DPF3: variants seen among roughly 807,000 people sequenced by gnomAD.
DPF3 encodes the protein zinc finger protein DPF3.
A neutral mutation model predicts 56.8 loss-of-function variants in DPF3; 18 were observed. The observed-to-expected ratio is 0.32, with a 90% CI of 0.22 to 0.47. The LOEUF (loss-of-function observed/expected upper bound fraction) is 0.47, where lower values mean the gene tolerates loss of function less well. DPF3 is among the 20% of genes least tolerant of loss of function. The pLI is 1.00. For missense variants in DPF3, 403 were observed against 488.8 expected, an observed-to-expected ratio of 0.82 and a Z score of 1.65; for synonymous variants, 188 against 180.2, an observed-to-expected ratio of 1.04 and a Z score of -0.35.
Position 72,693,072 on chromosome 14 carries a change from T to C in DPF3, c.742+4A>G. 6.2e-7 allele frequency: 1 copy of C among 1,613,972 alleles called. No homozygotes were observed. The highest frequency in any genetic ancestry group is 8.5e-7 in the Non-Finnish European group (1 of 1,179,864). On this transcript the variant is annotated splice_donor_region_variant and intron_variant, in intron 7 of 10. Transcript: ENST00000556509. Reference sequence around the variant, plus strand: ...CTGCCCCAACCTAACAAGTAGGCACTCACGCCTGTGGTTCTCATTTCTGTG... The same window carrying C: ...CTGCCCCAACCTAACAAGTAGGCACCCACGCCTGTGGTTCTCATTTCTGTG...
chr14:72,850,127 A>AG (rs926759845), intron 1 of DPF3, among the ~76,000 whole-genome samples: 1 of 152,054 alleles, frequency 6.6e-6, no homozygotes, highest in African/African-American at 2.4e-5. Context: ...TAAAAAAAAA[A>AG]TTAGCTAGGT....
chr14:72,773,322 C>G (rs985937815), intron 1 of DPF3, among the ~76,000 whole-genome samples: 1 of 151,866 alleles, frequency 6.6e-6, no homozygotes, highest in Non-Finnish European at 1.5e-5. Flanking sequence ...TTAGTAGAGA[C>G]AGAGTTTCAC....
At chr14:72,718,735 C>CA (rs1048909133) in intron 5 of DPF3, among the ~76,000 whole-genome samples, 1 of 138,926 alleles carries the variant, frequency 7.2e-6, no homozygotes, top group Non-Finnish European at 1.5e-5. Context: ...TTCCTGAGAT[C>CA]AAAAAAATTG....
At chr14:72,753,144 T>G (rs745626560) in intron 3 of DPF3, 120 bp downstream of exon 3, 344 of 808,236 alleles carry the variant, frequency 4.3e-4, no homozygotes, top group Non-Finnish European at 4.3e-4. Flanking sequence ...TGTGGGCATG[T>G]TCCCTCTCCC....
chr14:72,663,129 A>G (rs1409889823), intron 8 of DPF3, among the ~76,000 whole-genome samples: 1 of 131,506 alleles, frequency 7.6e-6, no homozygotes, highest in African/African-American at 2.9e-5. Flanking sequence ...TGGATGGTCA[A>G]TTCCCAGGTG....
chr14:72,814,604 C>T (rs937085871), intron 1 of DPF3, among the ~76,000 whole-genome samples: 1 of 152,052 alleles, frequency 6.6e-6, no homozygotes, highest in Non-Finnish European at 1.5e-5. Flanking sequence ...CTCTTGAGAC[C>T]AGGAGTTTGA....
chr14:72,717,735 G>A (rs1358317017), intron 5 of DPF3, among the ~76,000 whole-genome samples: 1 of 152,198 alleles, frequency 6.6e-6, no homozygotes, highest in South Asian at 2.1e-4. Context: ...GATGAAGCAG[G>A]TTCTCACCTG....
chr14:72,632,776 GGGGAAGGGGAT>G (rs1408820555), intron 8 of DPF3, among the ~76,000 whole-genome samples: 6 of 137,252 alleles, frequency 4.4e-5, no homozygotes, highest in Non-Finnish European at 7.9e-5. Flanking sequence ...GGAGAGAAGA[GGGGAAGGGGAT>G]GGGAAGGAGA....
chr14:72,778,120 C>T (rs1363592575), intron 1 of DPF3, among the ~76,000 whole-genome samples: 1 of 152,180 alleles, frequency 6.6e-6, no homozygotes, highest in African/African-American at 2.4e-5. Flanking sequence ...GAATCTGACC[C>T]TGCTAGCACC....
At chr14:72,703,293 G>A (rs1475149913) in intron 6 of DPF3, among the ~76,000 whole-genome samples, 2 of 151,988 alleles carry the variant, frequency 1.3e-5, no homozygotes, top group Admixed American at 1.3e-4. Context: ...GTAGGGGTGG[G>A]GTAAAACACC....
intron 1 of DPF3, among the ~76,000 whole-genome samples, chr14:72,787,537 C>T (rs1392705766): frequency 6.6e-6 from 1 of 152,162 alleles, no homozygotes; most frequent in African/African-American, 2.4e-5. Context: ...TTACCAGGAA[C>T]ATAGAAAGGT....
intron 1 of DPF3, among the ~76,000 whole-genome samples, chr14:72,860,295 A>G (rs1261329350): frequency 1.3e-5 from 2 of 152,048 alleles, no homozygotes; most frequent in Non-Finnish European, 2.9e-5. Context: ...TGATCCTCCC[A>G]CCTCAGCCTC....
intron 2 of DPF3, among the ~76,000 whole-genome samples, chr14:72,768,939 G>A (rs971491363): frequency 1.2e-5 from 1 of 86,458 alleles, no homozygotes; most frequent in Non-Finnish European, 2.9e-5. Flanking sequence ...GTGTCTGTGT[G>A]TGTGTGTGTG....
At chr14:72,631,575 G>A (rs1324899717) in intron 8 of DPF3, among the ~76,000 whole-genome samples, 1 of 151,996 alleles carries the variant, frequency 6.6e-6, no homozygotes, top group African/African-American at 2.4e-5. Flanking sequence ...TGCTCATATA[G>A]GCAAGTTGAC....
chr14:72,859,394 T>A (rs1885294007), intron 1 of DPF3, among the ~76,000 whole-genome samples: 1 of 151,578 alleles, frequency 6.6e-6, no homozygotes, highest in Admixed American at 6.6e-5. Context: ...CTACCTGGGG[T>A]TTCTACCACC....
At position 72,753,348 on chromosome 14, in the gene DPF3, T is replaced by C. The variant is rs1165785422; in HGVS notation, c.217A>G (p.Thr73Ala). The change falls in exon 3 of 11, where the codon ACA (threonine) becomes GCA (alanine). Residue 73 changes from threonine (T) to alanine (A), a missense_variant. By Grantham distance (58) the Thr-to-Ala change is moderately conservative. This residue lies in a region of DPF3 where 340 missense variants were observed against 374.3 expected (regional missense o/e 0.91). Coordinates refer to ENST00000556509, the MANE Select transcript of DPF3 (RefSeq NM_001280542.3). ...TTGCGCCAGCAGCGGGCAGGGTATG[T>C]ATACAGCTGGCCCGGGGCAAGGCCT... is the stretch of plus-strand genomic sequence containing the variant. ...GPGLAPGQLY[T>A]YPARCWRKKR... 3 of 1,612,808 alleles carry C rather than the reference T, an allele frequency of 1.9e-6. No homozygotes were observed.
Position 72,619,300 on chromosome 14 carries a change from GGCCTGGCA to G in DPF3, c.1126_1133del (p.Cys376LeufsTer108). 1 of 1,536,058 alleles carries G rather than the reference GGCCTGGCA, an allele frequency of 6.5e-7. No homozygotes were observed. The highest frequency in any genetic ancestry group is 8.7e-7 in the Non-Finnish European group (1 of 1,146,886). On this transcript the variant is annotated frameshift_variant, in exon 11 of 11. Transcript: ENST00000556509. LOFTEE classifies it high-confidence loss of function. ...TCACATTCTGTGACCTGGGGCCCTA[GGCCTGGCA>G]GCCAAAGGCTGAGGCTTTCTCTTTG...
At chr14:72,723,191 C>G (rs1889254837) in intron 5 of DPF3, among the ~76,000 whole-genome samples, 1 of 151,994 alleles carries the variant, frequency 6.6e-6, no homozygotes, top group African/African-American at 2.4e-5. Context: ...CCCCCCAGCC[C>G]CTATCTCACA....
chr14:72,622,669 C>A (rs772007291), intron 9 of DPF3, among the ~76,000 whole-genome samples: 17 of 152,014 alleles, frequency 1.1e-4, no homozygotes, highest in Non-Finnish European at 2.1e-4. Flanking sequence ...CTTCCACCAC[C>A]AAGAGCCCCC....
Sources: gnomAD v4.1 joint callset for allele counts (sites outside exome capture counted in the v4.1 genomes callset) on GRCh38, gnomAD v4.1.1 for gene constraint, gnomAD v4.1.1 regional missense constraint, MANE v1.5 for transcripts, NCBI Gene and HGNC (gene_info 2026-07-23, HGNC 2026-07-21) for gene names.